PLCB1: variants seen among roughly 807,000 people sequenced by gnomAD.
The protein encoded by PLCB1 is 1-phosphatidylinositol 4,5-bisphosphate phosphodiesterase beta-1.
Under a neutral mutation model 161.8 loss-of-function variants are expected in PLCB1, and 46 were observed. The ratio of observed to expected loss-of-function variants is 0.28; its 90% CI spans 0.22 to 0.36. The LOEUF (loss-of-function observed/expected upper bound fraction) is 0.36, where lower values mean the gene tolerates loss of function less well. Ranked by LOEUF, PLCB1 falls within the 10% of genes least tolerant of loss-of-function variation. The pLI, the probability that PLCB1 is intolerant of heterozygous loss-of-function variation, is 1.00. For missense variants in PLCB1, 1,016 were observed against 1,472.5 expected, an observed-to-expected ratio of 0.69 and a Z score of 5.07; for synonymous variants, 517 against 503.7, an observed-to-expected ratio of 1.03 and a Z score of -0.35.
chr20:8,881,926 C>A lies in PLCB1; in HGVS notation c.*77C>A. On this transcript the variant is annotated 3_prime_UTR_variant, in exon 32 of 32. Coordinates refer to ENST00000338037, the MANE Select transcript of PLCB1 (RefSeq NM_015192.4). ...CTCTCTCTTATTACAAAGATCACTG[C>A]CCAGGACCATCTTCCCGAGAAGCAT... 2 of 939,204 alleles carry A rather than the reference C, an allele frequency of 2.1e-6. No homozygotes were observed. Among genetic ancestry groups the A allele is most frequent in the Non-Finnish European group, 3.4e-6 (2 of 593,214 alleles). The allele number at this position is 939,204 out of a possible 1,614,324, so 58.2% of individuals were successfully genotyped here.
intron 9 of PLCB1, among the ~76,000 whole-genome samples, chr20:8,684,090 T>G (rs181281970): frequency 0.012 from 1,871 of 152,066 alleles, 18 homozygotes; most frequent in African/African-American, 0.023. Flanking sequence ...TTCACCGTGT[T>G]AGCCAGGATG....
chr20:8,589,131 C>A (rs1300731170), intron 3 of PLCB1, among the ~76,000 whole-genome samples: 1 of 152,150 alleles, frequency 6.6e-6, no homozygotes, highest in Non-Finnish European at 1.5e-5. Flanking sequence ...ACTGTTTTGT[C>A]TTTGGGCTTA....
chr20:8,802,878 C>A (rs549172859), intron 31 of PLCB1, among the ~76,000 whole-genome samples: 33 of 152,288 alleles, frequency 2.2e-4, no homozygotes, highest in Middle Eastern at 3.4e-3. Context: ...ATATTCCCTT[C>A]ACTAATAAGA....
chr20:8,162,751 G>A (rs2051638564), intron 2 of PLCB1, among the ~76,000 whole-genome samples: 1 of 152,196 alleles, frequency 6.6e-6, no homozygotes, highest in African/African-American at 2.4e-5. Context: ...TAAGTGAAAA[G>A]TTTTATGGGA....
At chr20:8,762,611 T>A (rs1982100036) in intron 25 of PLCB1, among the ~76,000 whole-genome samples, 1 of 152,194 alleles carries the variant, frequency 6.6e-6, no homozygotes, top group Admixed American at 6.5e-5. Context: ...CAGCAATTCC[T>A]TGGGATTATA....
At chr20:8,629,862 TTTC>T (rs1988491080) in intron 4 of PLCB1, among the ~76,000 whole-genome samples, 1 of 100,124 alleles carries the variant, frequency 1.0e-5, no homozygotes, top group Non-Finnish European at 2.0e-5. Flanking sequence ...TCTTTCTTTC[TTTC>T]TTTCTTTCTT....
chr20:8,534,075 A>G lies in PLCB1; in HGVS notation c.247-94219A>G, dbSNP rs559506712. Among the ~76,000 whole-genome samples, 4 of 152,236 alleles carry G rather than the reference A, an allele frequency of 2.6e-5. 1 individual carries two copies. The South Asian group carries it at 8.3e-4, about 32-fold the overall frequency. The stretch of plus-strand genomic sequence containing the variant: ...AAGGAAGGCATCATCTTTGAGATGA[A>G]TGTGAATGATCGTGGAATATTCCTT... On this transcript the variant is annotated intron_variant, in intron 3 of 31. Coordinates refer to ENST00000338037, the MANE Select transcript of PLCB1 (RefSeq NM_015192.4).
intron 2 of PLCB1, among the ~76,000 whole-genome samples, chr20:8,309,982 G>A (rs1390765625): frequency 6.6e-6 from 1 of 151,988 alleles, no homozygotes; most frequent in African/African-American, 2.4e-5. Flanking sequence ...GGTCAGCAAT[G>A]AGTCTTAAAG....
At chr20:8,734,247 GGAGA>G (rs1340435912) in intron 19 of PLCB1, among the ~76,000 whole-genome samples, 1 of 150,206 alleles carries the variant, frequency 6.7e-6, no homozygotes, top group East Asian at 2.0e-4. Flanking sequence ...AAAATGAGTT[GGAGA>G]GACTCATCAT....
intron 2 of PLCB1, among the ~76,000 whole-genome samples, chr20:8,322,186 C>G (rs912051149): frequency 2.0e-5 from 3 of 152,072 alleles, no homozygotes; most frequent in African/African-American, 7.2e-5. Context: ...TTCCTGCTCA[C>G]CTGTCATTGC....
At chr20:8,355,241 G>C (rs1169028231) in intron 2 of PLCB1, among the ~76,000 whole-genome samples, 1 of 151,314 alleles carries the variant, frequency 6.6e-6, no homozygotes, top group Non-Finnish European at 1.5e-5. Context: ...AAAAAAGAAA[G>C]AAAGAAAAGG....
At chr20:8,269,418 C>A (rs1311781469) in intron 2 of PLCB1, among the ~76,000 whole-genome samples, 1 of 151,974 alleles carries the variant, frequency 6.6e-6, no homozygotes, top group Non-Finnish European at 1.5e-5. Flanking sequence ...ATTACTATTG[C>A]AAGGGATTTT....
chr20:8,134,383 C>T (rs565088465), intron 1 of PLCB1, among the ~76,000 whole-genome samples: 5 of 152,130 alleles, frequency 3.3e-5, no homozygotes, highest in Non-Finnish European at 2.9e-5. Flanking sequence ...GGAGTTTCAG[C>T]GTAAGCTCTG....
chr20:8,585,134 C>T (rs1210317200), intron 3 of PLCB1, among the ~76,000 whole-genome samples: 5 of 152,178 alleles, frequency 3.3e-5, no homozygotes, highest in South Asian at 2.1e-4. Flanking sequence ...CTTGGAGCTT[C>T]GGCTTACTTT....
chr20:8,772,352 T>C (rs1453644137), intron 26 of PLCB1, among the ~76,000 whole-genome samples: 1 of 152,186 alleles, frequency 6.6e-6, no homozygotes, highest in African/African-American at 2.4e-5. Flanking sequence ...TGGCATGCAG[T>C]CATGCTGTGT....
intron 2 of PLCB1, among the ~76,000 whole-genome samples, chr20:8,205,800 G>A (rs935546367): frequency 4.6e-4 from 70 of 152,168 alleles, no homozygotes; most frequent in African/African-American, 1.5e-3. Context: ...ATAGGGGCAT[G>A]GGAGAAGGGG....
intron 2 of PLCB1, among the ~76,000 whole-genome samples, chr20:8,274,516 A>C (rs1205181058): frequency 2.0e-5 from 3 of 151,754 alleles, no homozygotes; most frequent in African/African-American, 7.3e-5. Context: ...TAAAACATTC[A>C]TGGTGACTTG....
chr20:8,586,102 G>C (rs571504265), intron 3 of PLCB1, among the ~76,000 whole-genome samples: 1 of 152,266 alleles, frequency 6.6e-6, no homozygotes, highest in Admixed American at 6.5e-5. Flanking sequence ...CAATTAAACT[G>C]GGTCAAAGAT....
chr20:8,574,442 A>G (rs1311024528), intron 3 of PLCB1, among the ~76,000 whole-genome samples: 1 of 152,200 alleles, frequency 6.6e-6, no homozygotes, highest in East Asian at 1.9e-4. Context: ...AGGGTATCTG[A>G]GGATCATGGA....
Sources: allele counts gnomAD v4.1 joint callset (sites outside exome capture counted in the v4.1 genomes callset), GRCh38; gene constraint gnomAD v4.1.1; transcripts MANE v1.5; gene names NCBI Gene and HGNC (gene_info 2026-07-23, HGNC 2026-07-21).